ESR2: variants seen among roughly 807,000 people sequenced by gnomAD.
The protein encoded by ESR2 is estrogen receptor 2.
ESR2 carries 36 observed loss-of-function variants against 49.6 expected under a neutral mutation model. That is an observed-to-expected ratio of 0.73 (90% confidence interval 0.56 to 0.96). ESR2 has a LOEUF of 0.96. Among genes scored for constraint, ESR2 ranks in the 40% least tolerant of loss-of-function variants. ESR2 has a pLI of 0.00. For missense variants in ESR2, 714 were observed against 693.0 expected (o/e 1.03, Z -0.34); for synonymous variants, 320 against 266.1 (o/e 1.20, Z -1.97).
upstream of ESR2, chr14:64,338,480 G>C (rs1437110375): frequency 6.5e-6 from 1 of 154,748 alleles, no homozygotes; most frequent in African/African-American, 2.4e-5. Flanking sequence ...ATCTGCTGTA[G>C]AGTCCAGCGC....
At chr14:64,269,107 A>G (rs954792748) in intron 3 of ESR2, among the ~76,000 whole-genome samples, 196 bp from the exon 4 acceptor site, 2 of 152,208 alleles carry the variant, frequency 1.3e-5, no homozygotes, top group East Asian at 3.8e-4. Flanking sequence ...GAACATTTCA[A>G]TATCCTGGTT....
chr14:64,282,615 T>A lies in ESR2; in HGVS notation c.362+9A>T, dbSNP rs754334464. 4 of 1,579,316 alleles carry A rather than the reference T, an allele frequency of 2.5e-6. No homozygotes were observed. Among genetic ancestry groups the A allele is most frequent in the Non-Finnish European group, 2.6e-6 (3 of 1,157,436 alleles). On this transcript the variant is annotated intron_variant, in intron 2 of 8. Coordinates refer to ENST00000341099, the MANE Select transcript of ESR2 (RefSeq NM_001437.3). ...AGCAACTATAATTCAGAATGAAGAC[T>A]GGACTTACCTGTTTACAGGTAAGGT... is the stretch of plus-strand genomic sequence containing the variant.
intron 1 of ESR2, among the ~76,000 whole-genome samples, chr14:64,290,013 A>G (rs2076845764): frequency 6.6e-6 from 1 of 152,196 alleles, no homozygotes; most frequent in African/African-American, 2.4e-5. Flanking sequence ...AAAGATTTAA[A>G]AAGATTTCTT....
chr14:64,234,697 G>A (rs1166165005), intron 8 of ESR2: 1 of 618,862 alleles, frequency 1.6e-6, no homozygotes, highest in South Asian at 2.9e-5. Flanking sequence ...CCCCTTTTAG[G>A]ACTCCATAAA....
chr14:64,233,401 T>G, intron 8 of ESR2, 78 bp from the exon 9 acceptor site: 1 of 1,432,088 alleles, frequency 7.0e-7, no homozygotes, highest in Non-Finnish European at 9.7e-7. Context: ...CGGCTCTCTT[T>G]GCTCAGAGCC....
At chr14:64,306,537 T>C (rs2077101816) in intron 1 of ESR2, among the ~76,000 whole-genome samples, 1 of 152,188 alleles carries the variant, frequency 6.6e-6, no homozygotes, top group Admixed American at 6.5e-5. Context: ...TTGGTGGATC[T>C]GTTGGGGTAA....
chr14:64,274,714 T>C (rs535709599), intron 3 of ESR2, among the ~76,000 whole-genome samples: 183 of 152,260 alleles, frequency 1.2e-3, no homozygotes, highest in Non-Finnish European at 2.2e-3. Flanking sequence ...TACTTCAAGA[T>C]TTTCTACTTT....
chr14:64,297,211 G>A (rs2076967905), upstream of ESR2, among the ~76,000 whole-genome samples: 1 of 152,174 alleles, frequency 6.6e-6, no homozygotes, highest in African/African-American at 2.4e-5. Context: ...TGGGGATAAA[G>A]CATTGAATTG....
At chr14:64,266,541 A>G (rs965563060) in intron 4 of ESR2, among the ~76,000 whole-genome samples, 5 of 152,232 alleles carry the variant, frequency 3.3e-5, no homozygotes, top group Admixed American at 6.5e-5. Context: ...CTTGGAAATC[A>G]TTTTTTAAAC....
At position 64,238,753 on chromosome 14, in the gene ESR2, T is replaced by C. The variant is rs1483186870; in HGVS notation, c.1226-3603A>G. Among the ~76,000 whole-genome samples, 127 of 141,910 alleles carry C rather than the reference T, an allele frequency of 8.9e-4. 2 individuals carry two copies. The highest frequency in any genetic ancestry group is 4.5e-5 in the Non-Finnish European group (3 of 67,252). The allele number at this position is 141,910 out of a possible 152,430, so 93.1% of individuals were successfully genotyped here. A position where few individuals can be genotyped will look rare whatever the true frequency, so the allele number is the denominator to read the frequency against. ...TTTTGATGAAACGGAAGAAGTATAGTTTAAAAAAAAAAAACAAAAAAAACC... is the reference window on the plus strand; with the variant it reads ...TTTTGATGAAACGGAAGAAGTATAGCTTAAAAAAAAAAAACAAAAAAAACC... On this transcript the variant is annotated intron_variant, in intron 7 of 8. Transcript: ENST00000341099.
intron 1 of ESR2, among the ~76,000 whole-genome samples, chr14:64,286,152 G>A (rs2076781455): frequency 6.6e-6 from 1 of 152,074 alleles, no homozygotes; most frequent in Non-Finnish European, 1.5e-5. Flanking sequence ...CACCAAAGTG[G>A]TACCACTTCC....
At chr14:64,274,940 C>G (rs1433981340) in intron 3 of ESR2, among the ~76,000 whole-genome samples, 2 of 152,092 alleles carry the variant, frequency 1.3e-5, no homozygotes, top group Admixed American at 1.3e-4. Context: ...TAGTTTTATT[C>G]CATTGTGGTC....
At chr14:64,291,443 G>T (rs2076868546) in intron 1 of ESR2, among the ~76,000 whole-genome samples, 1 of 152,036 alleles carries the variant, frequency 6.6e-6, no homozygotes, top group African/African-American at 2.4e-5. Flanking sequence ...GCATATCCTA[G>T]TTACTACCAC....
Position 64,268,840 on chromosome 14 carries a change from CCTGGCAG to C in ESR2, c.600_606del (p.Ser200ArgfsTer14). ...TCGTAACACTTCCGAAGTCGGCAGG[CCTGGCAG>C]CTCTTGCGCCGGTTTTTATCGATTG... On this transcript the variant is annotated frameshift_variant, in exon 4 of 9. Coordinates refer to ENST00000341099, the MANE Select transcript of ESR2 (RefSeq NM_001437.3). LOFTEE classifies it high-confidence loss of function. 1 of 1,613,962 alleles carries C rather than the reference CCTGGCAG, an allele frequency of 6.2e-7. No individual in the cohort carries two copies. Among genetic ancestry groups the C allele is most frequent in the Non-Finnish European group, 8.5e-7 (1 of 1,179,826 alleles).
Position 64,231,856 on chromosome 14 carries a change from T to C in ESR2, c.*1281A>G, listed in dbSNP as rs957822680. ...TCTTTTAAAAGGTGAGTTAAAGTTG[T>C]CATTTCAGAGGTGCCCTTCTTCATG... On this transcript the variant is annotated 3_prime_UTR_variant, in exon 9 of 9. Transcript: ENST00000341099. 2 of 152,214 alleles carry C rather than the reference T, an allele frequency of 1.3e-5. No individual in the cohort carries two copies. Among genetic ancestry groups the C allele is most frequent in the African/African-American group, 4.8e-5 (2 of 41,462 alleles). 9.4% of individuals were successfully genotyped at this position (152,214 alleles called of 1,614,324 possible).
At chr14:64,258,866 A>G (rs191779956) in intron 5 of ESR2, among the ~76,000 whole-genome samples, 2 of 152,366 alleles carry the variant, frequency 1.3e-5, no homozygotes, top group African/African-American at 4.8e-5. Context: ...ATTTTAATAT[A>G]TATTTTTTGG....
chr14:64,227,513 C>T (rs747370497), downstream of ESR2: 7 of 1,612,908 alleles, frequency 4.3e-6, no homozygotes, highest in Non-Finnish European at 2.5e-6. Flanking sequence ...TTTCTTTAGG[C>T]CACCGAGTTG....
Position 64,235,071 on chromosome 14 carries a change from A to G in ESR2, c.1305T>C (p.Asp435=). ...KLAHLLNAVT[D]ALVWVIAKSG... is the part of the protein sequence containing the mutation. ...TCTTGGCAATCACCCAAACCAAAGCATCGGTCACGGCGTTCAGCAAGTGAG... is the reference window on the plus strand; with the variant it reads ...TCTTGGCAATCACCCAAACCAAAGCGTCGGTCACGGCGTTCAGCAAGTGAG... Residue 435 remains aspartate, a synonymous_variant, in exon 8 of 9, where the codon GAT becomes GAC. Coordinates refer to ENST00000341099, the MANE Select transcript of ESR2 (RefSeq NM_001437.3). 1 of 1,614,218 alleles carries G rather than the reference A, an allele frequency of 6.2e-7. No homozygotes were observed. The highest frequency in any genetic ancestry group is 1.1e-5 in the South Asian group (1 of 91,086).
At chr14:64,297,516 C>G (rs2978380), upstream of ESR2, 2 of 152,270 alleles carry the variant, frequency 1.3e-5, no homozygotes, top group Non-Finnish European at 2.9e-5. Context: ...TTGGCTCCCC[C>G]ACAGCCCTCA....
Sources: gnomAD v4.1 joint callset for allele counts (sites outside exome capture counted in the v4.1 genomes callset) on GRCh38, gnomAD v4.1.1 for gene constraint, MANE v1.5 for transcripts, NCBI Gene and HGNC (gene_info 2026-07-23, HGNC 2026-07-21) for gene names.